Variants in FREM2 observed in about 807,000 individuals in gnomAD.
The protein encoded by FREM2 is FRAS1 related extracellular matrix 2.
A neutral mutation model predicts 219.9 loss-of-function variants in FREM2; 119 were observed. The observed-to-expected ratio is 0.54, with a 90% CI of 0.47 to 0.63. The LOEUF (loss-of-function observed/expected upper bound fraction) is 0.63. FREM2 is among the 30% of genes least tolerant of loss of function. The pLI, the probability that FREM2 is intolerant of heterozygous loss-of-function variation, is 0.00. For missense variants in FREM2, 4,030 were observed against 3,993.6 expected (o/e 1.01, Z -0.25); for synonymous variants, 1,562 against 1,522.8 (o/e 1.03, Z -0.60).
intron 3 of FREM2, among the ~76,000 whole-genome samples, chr13:38,767,248 T>G (rs1873473258): frequency 1.3e-5 from 2 of 152,252 alleles, no homozygotes. Context: ...TTTAACCACT[T>G]TGTTATTTTT....
intron 6 of FREM2, among the ~76,000 whole-genome samples, chr13:38,823,478 T>C (rs1040893401): frequency 1.6e-4 from 24 of 151,918 alleles, no homozygotes; most frequent in African/African-American, 5.8e-4. Context: ...CCTGCTTTCC[T>C]TGTTCACCCC....
chr13:38,879,107 T>C, intron 23 of FREM2, 130 bp downstream of exon 23: 1 of 913,280 alleles, frequency 1.1e-6, no homozygotes, highest in Non-Finnish European at 1.8e-6. Flanking sequence ...ATGGGAACAT[T>C]GAATAAGATA....
intron 2 of FREM2, 149 bp from the exon 3 acceptor site, chr13:38,764,155 G>C: frequency 1.6e-6 from 1 of 639,302 alleles, no homozygotes; most frequent in Non-Finnish European, 2.8e-6. Context: ...ACTGTAAGCT[G>C]TATCTCCATG....
intron 5 of FREM2, 71 bp downstream of exon 5, chr13:38,783,266 C>T: frequency 6.6e-7 from 1 of 1,516,632 alleles, no homozygotes; most frequent in Non-Finnish European, 9.2e-7. Flanking sequence ...CATATTGGAG[C>T]CATAACATTT....
chr13:38,816,798 A>G, intron 6 of FREM2, among the ~76,000 whole-genome samples: 1 of 152,164 alleles, frequency 6.6e-6, no homozygotes, highest in East Asian at 1.9e-4. Flanking sequence ...CTGTTTGCAG[A>G]TGACATGATC....
Position 38,882,654 on chromosome 13 carries a change from G to A in FREM2, c.*1867G>A, listed in dbSNP as rs553061483. ...TGTAGCCCAGGAGTTTATTTAGCAA[G>A]ATAAATAGTGGTAATTTCTTAATCA... On this transcript the variant is annotated 3_prime_UTR_variant, in exon 24 of 24. Coordinates refer to ENST00000280481, the MANE Select transcript of FREM2 (RefSeq NM_207361.6). 1 of 152,286 alleles carries A rather than the reference G, an allele frequency of 6.6e-6. No individual in the cohort carries two copies. Among genetic ancestry groups the A allele is most frequent in the East Asian group, 1.9e-4 (1 of 5,170 alleles). The allele number at this position is 152,286 out of a possible 1,614,324, so 9.4% of individuals were successfully genotyped here. A position where few individuals can be genotyped will look rare whatever the true frequency, so the allele number is the denominator to read the frequency against.
intron 11 of FREM2, 27 bp downstream of exon 11, chr13:38,851,895 TG>T: frequency 6.3e-7 from 1 of 1,586,800 alleles, no homozygotes; most frequent in Non-Finnish European, 8.7e-7. Context: ...GCCTGTCTCC[TG>T]ATGGATCATG....
chr13:38,694,730 T>C (rs1870034381), intron 1 of FREM2, among the ~76,000 whole-genome samples: 1 of 152,216 alleles, frequency 6.6e-6, no homozygotes, highest in Admixed American at 6.5e-5. Flanking sequence ...ATTAAATTGA[T>C]GAAAAGTTAA....
chr13:38,842,569 G>T (rs905856542), intron 6 of FREM2, among the ~76,000 whole-genome samples: 2 of 152,174 alleles, frequency 1.3e-5, no homozygotes, highest in Non-Finnish European at 2.9e-5. Context: ...GACAAAAAAG[G>T]CAGCATTAAA....
At chr13:38,784,929 G>T (rs1027173753) in intron 6 of FREM2, 121 bp downstream of exon 6, 18 of 1,145,034 alleles carry the variant, frequency 1.6e-5, no homozygotes, top group Admixed American at 9.1e-5. Context: ...TTTATGTTTG[G>T]TTTTTTCATA....
chr13:38,778,570 C>T (rs1238668461), intron 4 of FREM2, among the ~76,000 whole-genome samples: 1 of 152,096 alleles, frequency 6.6e-6, no homozygotes, highest in East Asian at 1.9e-4. Flanking sequence ...CACAAACATT[C>T]AGCCCATAAC....
intron 2 of FREM2, among the ~76,000 whole-genome samples, chr13:38,731,479 A>G (rs1593371762): frequency 6.6e-6 from 1 of 152,168 alleles, no homozygotes; most frequent in East Asian, 1.9e-4. Flanking sequence ...TTAGGTAACA[A>G]TATACTTTAT....
intron 6 of FREM2, among the ~76,000 whole-genome samples, chr13:38,797,304 G>A (rs571509526): frequency 4.9e-4 from 75 of 152,094 alleles, no homozygotes; most frequent in Non-Finnish European, 9.0e-4. Context: ...AGTCTAACGG[G>A]TAAGATGCTG....
In FREM2 at chr13:38,885,430, A is replaced by G. The variant is rs1048809268; in HGVS notation, c.*4643A>G. On this transcript the variant is annotated 3_prime_UTR_variant, in exon 24 of 24. Transcript: ENST00000280481. ...TTTGTTTGCTTTGTGTTTTTTCAAT[A>G]TTTTGTTTGCTAAAGAACAATAACA... 2.6e-5 allele frequency: 4 copies of G among 152,142 alleles called. No individual in the cohort carries two copies. The highest frequency in any genetic ancestry group is 4.8e-5 in the African/African-American group (2 of 41,446). The allele number at this position is 152,142 out of a possible 1,614,324, so 9.4% of individuals were successfully genotyped here. A position where few individuals can be genotyped will look rare whatever the true frequency, so the allele number is the denominator to read the frequency against.
chr13:38,859,501 G>T lies in FREM2; in HGVS notation c.7430G>T (p.Arg2477Leu), dbSNP rs148032830. The T allele has an allele frequency of 6.2e-7, 1 of 1,613,952 alleles. No homozygotes were observed. The highest frequency in any genetic ancestry group is 1.7e-5 in the Admixed American group (1 of 59,984). The change falls in exon 14 of 24, where the codon CGG (arginine) becomes CTG (leucine). Residue 2477 changes from arginine to leucine, a missense_variant. Arg to Leu is a moderately radical substitution (Grantham distance 102). Transcript: ENST00000280481. ...LDSIYFQPGS[R>L]VQCAARAVNT... ...TCCATATACTTTCAGCCTGGCTCCC[G>T]GGTACAGTGCGCAGCTCGTGCTGTG...
intron 2 of FREM2, among the ~76,000 whole-genome samples, chr13:38,752,468 C>A (rs1872816772): frequency 6.6e-6 from 1 of 152,036 alleles, no homozygotes; most frequent in South Asian, 2.1e-4. Context: ...AATTTTCAAT[C>A]TAATTTTCTG....
At chr13:38,846,127 G>T (rs1897756377) in intron 6 of FREM2, among the ~76,000 whole-genome samples, 1 of 151,688 alleles carries the variant, frequency 6.6e-6, no homozygotes, top group South Asian at 2.1e-4. Flanking sequence ...AAATCTAATG[G>T]ACCAGAAAAT....
At position 38,688,580 on chromosome 13, in the gene FREM2, G is replaced by A. The variant is rs747074232; in HGVS notation, c.1236G>A (p.Leu412=). 1 of 1,613,768 alleles carries A rather than the reference G, an allele frequency of 6.2e-7. No individual in the cohort carries two copies. Among genetic ancestry groups the A allele is most frequent in the Non-Finnish European group, 8.5e-7 (1 of 1,179,764 alleles). The part of the protein sequence containing the change: ...SDQERLFELE[L]EVVDLEGAAS... ...AGGAGCGCCTCTTTGAACTGGAATTGGAGGTAGTGGATCTAGAAGGAGCAG... is the reference window on the plus strand; with the variant it reads ...AGGAGCGCCTCTTTGAACTGGAATTAGAGGTAGTGGATCTAGAAGGAGCAG... The change falls in exon 1 of 24, where the codon TTG becomes TTA. Residue 412 remains leucine (L), a synonymous_variant. Transcript: ENST00000280481.
At chr13:38,827,900 G>A (rs1414349667) in intron 6 of FREM2, among the ~76,000 whole-genome samples, 1 of 152,044 alleles carries the variant, frequency 6.6e-6, no homozygotes, top group Non-Finnish European at 1.5e-5. Context: ...TAATATTTTT[G>A]CCTAATATTC....
Sources: allele counts gnomAD v4.1 joint callset (sites outside exome capture counted in the v4.1 genomes callset), GRCh38; gene constraint gnomAD v4.1.1; transcripts MANE v1.5; gene names NCBI Gene and HGNC (gene_info 2026-07-23, HGNC 2026-07-21).